CWF19L2: variants seen among roughly 807,000 people sequenced by gnomAD.
The protein encoded by CWF19L2 is CWF19 like cell cycle control factor 2.
Under a neutral mutation model 111.7 loss-of-function variants are expected in CWF19L2, and 98 were observed. The ratio of observed to expected loss-of-function variants is 0.88; its 90% confidence interval spans 0.75 to 1.04. The LOEUF (loss-of-function observed/expected upper bound fraction) is 1.04. Ranked by LOEUF, CWF19L2 falls within the 50% of genes least tolerant of loss-of-function variation. The pLI, the probability that CWF19L2 is intolerant of heterozygous loss-of-function variation, is 0.00. For missense variants in CWF19L2, 1,101 were observed against 1,051.4 expected (o/e 1.05, Z -0.65); for synonymous variants, 351 against 342.9 (o/e 1.02, Z -0.26).
At chr11:107,405,785 T>C (rs1411867291) in intron 10 of CWF19L2, among the ~76,000 whole-genome samples, 1 of 150,518 alleles carries the variant, frequency 6.6e-6, no homozygotes, top group South Asian at 2.1e-4. Context: ...TTGGGATATA[T>C]TTTAACAAGA....
Position 107,457,780 on chromosome 11 carries a change from C to G in CWF19L2, c.37G>C (p.Glu13Gln). ...CGCTCTTCGATACTCTTCGCACTTT[C>G]AAATCTACCACTAGCAGCCGCCATA... ...TSMAAASGRF[E>Q]SAKSIEERKE... Residue 13 changes from glutamate to glutamine, a missense_variant, in exon 1 of 18, where the codon GAA becomes CAA. Glu to Gln is a conservative substitution (Grantham distance 29, BLOSUM62 2). Coordinates refer to ENST00000282251, the MANE Select transcript of CWF19L2 (RefSeq NM_152434.3). The G allele has an allele frequency of 9.0e-6, 14 of 1,551,742 alleles. No individual in the cohort carries two copies. Among genetic ancestry groups the G allele is most frequent in the Non-Finnish European group, 1.2e-5 (14 of 1,146,988 alleles).
chr11:107,332,018 C>T (rs1312634121), intron 16 of CWF19L2, among the ~76,000 whole-genome samples: 3 of 152,144 alleles, frequency 2.0e-5, no homozygotes, highest in Non-Finnish European at 4.4e-5. Context: ...AGAATTAAAG[C>T]AAAACTTTTT....
intron 14 of CWF19L2, among the ~76,000 whole-genome samples, chr11:107,344,998 G>A (rs1479149804): frequency 6.6e-6 from 1 of 152,068 alleles, no homozygotes; most frequent in Non-Finnish European, 1.5e-5. Context: ...GTTCCCATTA[G>A]GCTTCCACTG....
intron 12 of CWF19L2, among the ~76,000 whole-genome samples, chr11:107,381,369 A>G (rs763995002): frequency 1.3e-5 from 2 of 152,176 alleles, no homozygotes; most frequent in Non-Finnish European, 2.9e-5. Context: ...AACAAAAATT[A>G]TTTTGTTCAG....
At chr11:107,401,961 A>G (rs1170302817) in intron 10 of CWF19L2, among the ~76,000 whole-genome samples, 1 of 152,160 alleles carries the variant, frequency 6.6e-6, no homozygotes, top group Admixed American at 6.5e-5. Flanking sequence ...CGACAAATCA[A>G]ACAAAAACAT....
intron 6 of CWF19L2, among the ~76,000 whole-genome samples, chr11:107,435,436 T>G (rs547082630): frequency 6.6e-6 from 1 of 152,200 alleles, no homozygotes; most frequent in Non-Finnish European, 1.5e-5. Flanking sequence ...TCTGTGAAAC[T>G]GATAAAATGC....
chr11:107,342,398 C>CT (rs926262778), intron 14 of CWF19L2, among the ~76,000 whole-genome samples: 2 of 151,800 alleles, frequency 1.3e-5, no homozygotes, highest in African/African-American at 4.8e-5. Flanking sequence ...CCTGAAACTT[C>CT]TTTTTAAAGT....
intron 16 of CWF19L2, among the ~76,000 whole-genome samples, chr11:107,332,861 C>A (rs562780323): frequency 2.3e-4 from 35 of 152,200 alleles, no homozygotes; most frequent in Middle Eastern, 3.4e-3. Flanking sequence ...GTGGCTCACA[C>A]CTGTATTCCC....
At position 107,431,186 on chromosome 11, in the gene CWF19L2, A is replaced by T. The variant is rs886578510; in HGVS notation, c.781-1735T>A. ...CTAAAATTATAACTATTTCAAGAAG[A>T]AAAGAAAGTTTAAGTATTAACAGAG... On this transcript the variant is annotated intron_variant, in intron 7 of 17. Coordinates refer to ENST00000282251, the MANE Select transcript of CWF19L2 (RefSeq NM_152434.3). Among the ~76,000 whole-genome samples the T allele has an allele frequency of 9.2e-5, 14 of 152,102 alleles. No homozygotes were observed. In the East Asian group the frequency reaches 2.5e-3, roughly 27 times the overall value.
chr11:107,405,674 A>G (rs1861066307), intron 10 of CWF19L2, among the ~76,000 whole-genome samples: 1 of 152,150 alleles, frequency 6.6e-6, no homozygotes, highest in Non-Finnish European at 1.5e-5. Context: ...AAGAAGGGAA[A>G]GAAATGAGAT....
chr11:107,331,730 A>G (rs1401315434), intron 16 of CWF19L2, among the ~76,000 whole-genome samples: 1 of 152,220 alleles, frequency 6.6e-6, no homozygotes, highest in African/African-American at 2.4e-5. Context: ...AAACCAATAT[A>G]CATGCCAAGG....
intron 12 of CWF19L2, among the ~76,000 whole-genome samples, chr11:107,361,378 G>A (rs1860332542): frequency 6.6e-6 from 1 of 152,192 alleles, no homozygotes; most frequent in Non-Finnish European, 1.5e-5. Context: ...ATAATTTGAA[G>A]TCAGGTAATC....
In CWF19L2 at chr11:107,457,736, A is replaced by T. The variant is rs573409206; in HGVS notation, c.81T>A (p.Asn27Lys). 1.3e-6 allele frequency: 2 copies of T among 1,551,700 alleles called. No individual in the cohort carries two copies. Among genetic ancestry groups the T allele is most frequent in the Middle Eastern group, 1.7e-4 (1 of 5,992 alleles). Residue 27 changes from asparagine to lysine, a missense_variant, in exon 1 of 18, where the codon AAT becomes AAA. By Grantham distance (94) the Asn-to-Lys change is moderately conservative. Coordinates refer to ENST00000282251, the MANE Select transcript of CWF19L2 (RefSeq NM_152434.3). ...SIEERKEQTR[N>K]ARAEVLRQAK... ...CCTGGCGCAACACCTCGGCCCTGGC[A>T]TTCCGGGTCTGTTCTTTCCGCTCTT...
intron 12 of CWF19L2, among the ~76,000 whole-genome samples, chr11:107,359,035 C>G (rs536246851): frequency 6.6e-6 from 1 of 151,354 alleles, no homozygotes; most frequent in African/African-American, 2.4e-5. Flanking sequence ...CTCCTATCAT[C>G]GTCTCAAAGC....
At chr11:107,395,174 G>C (rs954837847) in intron 10 of CWF19L2, among the ~76,000 whole-genome samples, 2 of 152,138 alleles carry the variant, frequency 1.3e-5, no homozygotes, top group African/African-American at 4.8e-5. Context: ...TGCTGTTCTC[G>C]TGATAGTGAA....
At chr11:107,335,747 C>T (rs1319955530) in intron 15 of CWF19L2, among the ~76,000 whole-genome samples, 1 of 151,828 alleles carries the variant, frequency 6.6e-6, no homozygotes, top group African/African-American at 2.4e-5. Flanking sequence ...ATAAAATAAC[C>T]TCATGTTTTT....
At chr11:107,372,234 C>T (rs540979338) in intron 12 of CWF19L2, among the ~76,000 whole-genome samples, 1 of 135,612 alleles carries the variant, frequency 7.4e-6, no homozygotes. Context: ...CAAGTTATAG[C>T]TGTGATGGCA....
At chr11:107,436,035 T>C (rs1288239719) in intron 6 of CWF19L2, among the ~76,000 whole-genome samples, 1 of 151,762 alleles carries the variant, frequency 6.6e-6, no homozygotes, top group Non-Finnish European at 1.5e-5. Context: ...GCACCTGTAG[T>C]CCCAGCTACT....
intron 14 of CWF19L2, among the ~76,000 whole-genome samples, chr11:107,339,770 A>C (rs1859979428): frequency 1.4e-5 from 2 of 147,474 alleles, no homozygotes; most frequent in Non-Finnish European, 3.0e-5. Context: ...GGTTCGGGTG[A>C]TTCTCCCGCC....
Sources: allele counts gnomAD v4.1 joint callset (sites outside exome capture counted in the v4.1 genomes callset), GRCh38; gene constraint gnomAD v4.1.1; transcripts MANE v1.5; gene names NCBI Gene and HGNC (gene_info 2026-07-23, HGNC 2026-07-21).